Variants in PLCB4 observed in about 807,000 individuals in gnomAD.
PLCB4 encodes the protein 1-phosphatidylinositol 4,5-bisphosphate phosphodiesterase beta-4.
A neutral mutation model predicts 178.8 loss-of-function variants in PLCB4; 77 were observed. The observed-to-expected ratio is 0.43, with a 90% CI of 0.36 to 0.52. The LOEUF (loss-of-function observed/expected upper bound fraction) is 0.52, where lower values mean the gene tolerates loss of function less well. PLCB4 is among the 20% of genes least tolerant of loss of function. PLCB4 has a pLI of 0.00. For synonymous variants in PLCB4, 496 were observed against 490.8 expected (o/e 1.01, Z -0.14); for missense variants, 1,024 against 1,453.4 (o/e 0.70, Z 4.80).
chr20:9,339,214 A>C (rs530346399), intron 7 of PLCB4, among the ~76,000 whole-genome samples, 177 bp downstream of exon 7: 7 of 152,106 alleles, frequency 4.6e-5, no homozygotes, highest in Non-Finnish European at 8.8e-5. Context: ...TTAGCATGTC[A>C]CTCCTGTGGG....
intron 2 of PLCB4, among the ~76,000 whole-genome samples, chr20:9,122,871 G>T (rs1052106077): frequency 7.2e-5 from 11 of 152,102 alleles, no homozygotes; most frequent in African/African-American, 2.7e-4. Context: ...TTATAAATGT[G>T]TAGGAATTGA....
chr20:9,241,677 C>T (rs1447241647), intron 3 of PLCB4, among the ~76,000 whole-genome samples: 1 of 152,098 alleles, frequency 6.6e-6, no homozygotes, highest in Non-Finnish European at 1.5e-5. Context: ...GAGCTCCTTC[C>T]CTAGAGAGCA....
In PLCB4 at chr20:9,473,284, C is replaced by G. The variant is rs141010061; in HGVS notation, c.3414C>G (p.Ala1138=). 6.6e-7 allele frequency: 1 copy of G among 1,516,084 alleles called. No individual in the cohort carries two copies. Among genetic ancestry groups the G allele is most frequent in the African/African-American group, 1.5e-5 (1 of 67,656 alleles). 93.9% of individuals were successfully genotyped at this position (1,516,084 alleles called of 1,614,324 possible). The change falls in exon 38 of 40, where the codon GCC becomes GCG. Residue 1138 remains alanine, a synonymous_variant. Coordinates refer to ENST00000378473, the MANE Select transcript of PLCB4 (RefSeq NM_001377142.1). ...KKFLEERKRL[A]MKQSKEMDQL... is the part of the protein sequence containing the mutation. ...TTTTTTTTTTTTTTTTGCAGCTTGCCATGAAGCAGTCCAAAGAAATGGATC... is the reference window on the plus strand; with the variant it reads ...TTTTTTTTTTTTTTTTGCAGCTTGCGATGAAGCAGTCCAAAGAAATGGATC...
intron 35 of PLCB4, among the ~76,000 whole-genome samples, chr20:9,461,411 A>G (rs911652504): frequency 6.6e-6 from 1 of 152,204 alleles, no homozygotes; most frequent in South Asian, 2.1e-4. Context: ...CTGGTTGGAC[A>G]GTGGGTGCAG....
chr20:9,462,987 G>C (rs2043503615), intron 35 of PLCB4, among the ~76,000 whole-genome samples: 1 of 152,176 alleles, frequency 6.6e-6, no homozygotes, highest in Admixed American at 6.5e-5. Context: ...AGGTTGAAAT[G>C]ATGGAAAAAA....
intron 3 of PLCB4, among the ~76,000 whole-genome samples, chr20:9,226,633 C>T (rs2093869528): frequency 6.6e-6 from 1 of 152,092 alleles, no homozygotes; most frequent in Non-Finnish European, 1.5e-5. Context: ...TCTTCGTCCC[C>T]ATTTTCCTTC....
At chr20:9,319,625 AG>A (rs1395713445) in intron 4 of PLCB4, among the ~76,000 whole-genome samples, 3 of 152,204 alleles carry the variant, frequency 2.0e-5, no homozygotes, top group Non-Finnish European at 4.4e-5. Flanking sequence ...CAAAGGCCCC[AG>A]AACCAGGGGC....
At chr20:9,329,821 C>T (rs562666359) in intron 4 of PLCB4, among the ~76,000 whole-genome samples, 1 of 152,190 alleles carries the variant, frequency 6.6e-6, no homozygotes, top group East Asian at 1.9e-4. Context: ...TCCTTTATCT[C>T]CTGGGATCTT....
chr20:9,181,237 T>C (rs950890435), intron 2 of PLCB4, among the ~76,000 whole-genome samples: 1 of 152,314 alleles, frequency 6.6e-6, no homozygotes, highest in African/African-American at 2.4e-5. Flanking sequence ...GCTGATCTAA[T>C]TCATTTCTGC....
chr20:9,215,868 A>G (rs6056481), intron 2 of PLCB4, among the ~76,000 whole-genome samples: 4,836 of 152,306 alleles, frequency 0.032, 261 homozygotes, highest in African/African-American at 0.11. Flanking sequence ...TCTTAACACA[A>G]TGGAGCCATA....
Position 9,479,019 on chromosome 20 carries a change from C to G in PLCB4, c.*10C>G. 1 of 1,596,936 alleles carries G rather than the reference C, an allele frequency of 6.3e-7. No individual in the cohort carries two copies. The highest frequency in any genetic ancestry group is 8.6e-7 in the Non-Finnish European group (1 of 1,165,072). ...CCAAAATGCAAACTGAAGCAGCAAACCCACAAAGCATCAAAAGACTCACTC... is the reference window on the plus strand; with the variant it reads ...CCAAAATGCAAACTGAAGCAGCAAAGCCACAAAGCATCAAAAGACTCACTC... On this transcript the variant is annotated 3_prime_UTR_variant, in exon 40 of 40. Transcript: ENST00000378473.
chr20:9,313,622 G>C (rs984354564), intron 4 of PLCB4, among the ~76,000 whole-genome samples: 1 of 152,292 alleles, frequency 6.6e-6, no homozygotes, highest in African/African-American at 2.4e-5. Flanking sequence ...AATTAGTTTA[G>C]TTACTGGCTG....
intron 22 of PLCB4, 21 bp from the exon 23 acceptor site, chr20:9,408,612 A>T: frequency 1.6e-6 from 2 of 1,260,958 alleles, no homozygotes; most frequent in Non-Finnish European, 2.3e-6. Context: ...TCCTGAATCC[A>T]TCTTTGCTTT....
intron 7 of PLCB4, among the ~76,000 whole-genome samples, chr20:9,360,691 T>C (rs553441825): frequency 1.9e-4 from 29 of 152,336 alleles, no homozygotes; most frequent in African/African-American, 6.5e-4. Flanking sequence ...ATATTTAGCC[T>C]GACAGAGGAA....
chr20:9,319,369 G>A (rs917202765), intron 4 of PLCB4, among the ~76,000 whole-genome samples: 4 of 152,128 alleles, frequency 2.6e-5, no homozygotes, highest in African/African-American at 9.7e-5. Context: ...TGTTTTGGTT[G>A]TTTTTGAGAG....
At chr20:9,473,578 A>G (rs563493048) in intron 38 of PLCB4, among the ~76,000 whole-genome samples, 1 of 152,356 alleles carries the variant, frequency 6.6e-6, no homozygotes, top group South Asian at 2.1e-4. Context: ...TGCCAAAAAA[A>G]GAATATTTGG....
chr20:9,335,049 A>T (rs1052003485), intron 4 of PLCB4, among the ~76,000 whole-genome samples: 1 of 152,174 alleles, frequency 6.6e-6, no homozygotes, highest in Non-Finnish European at 1.5e-5. Context: ...TAGGGTGCAC[A>T]TAAGAATGAT....
intron 2 of PLCB4, among the ~76,000 whole-genome samples, chr20:9,195,290 G>A (rs1174326092): frequency 1.3e-5 from 2 of 152,228 alleles, no homozygotes; most frequent in African/African-American, 2.4e-5. Flanking sequence ...GCATCCAGAT[G>A]ATGCAGATGC....
At chr20:9,414,471 CTT>C (rs1197602683) in intron 25 of PLCB4, among the ~76,000 whole-genome samples, 1 of 152,224 alleles carries the variant, frequency 6.6e-6, no homozygotes, top group African/African-American at 2.4e-5. Context: ...CCTGCAAAGA[CTT>C]TTAAAAACTG....
Sources: allele counts gnomAD v4.1 joint callset (sites outside exome capture counted in the v4.1 genomes callset), GRCh38; gene constraint gnomAD v4.1.1; transcripts MANE v1.5; gene names NCBI Gene and HGNC (gene_info 2026-07-23, HGNC 2026-07-21).